The following CHD3 variants were observed in gnomAD, a reference collection of about 807,000 sequenced individuals.
CHD3 encodes ATP-dependent chromatin remodeler CHD3.
CHD3 carries 52 observed loss-of-function variants against 248.9 expected under a neutral mutation model. The ratio of observed to expected loss-of-function variants is 0.21; its 90% CI spans 0.17 to 0.26. CHD3 has a LOEUF of 0.26. Among genes scored for constraint, CHD3 ranks in the 10% least tolerant of loss-of-function variants. The pLI is 1.00. For missense variants in CHD3, 1,482 were observed against 2,605.8 expected (o/e 0.57, Z 9.39); for synonymous variants, 985 against 985.2 (o/e 1.00, Z 0.00).
chr17:7,909,265 GGCCGAGA>G lies in CHD3; in HGVS notation c.5521_5527del (p.Glu1841ThrfsTer23). 1 of 1,556,148 alleles carries G rather than the reference GGCCGAGA, an allele frequency of 6.4e-7. No individual in the cohort carries two copies. The highest frequency in any genetic ancestry group is 8.7e-7 in the Non-Finnish European group (1 of 1,151,386). ...CCCGCTTCGCCGAGGCCGAGTGCCT[GGCCGAGA>G]GCCACCAGCACCTCTCCAAGGAGTC... is the stretch of plus-strand genomic sequence containing the variant. On this transcript the variant is annotated frameshift_variant, in exon 37 of 40. Coordinates refer to ENST00000330494, the MANE Select transcript of CHD3 (RefSeq NM_001005273.3). LOFTEE classifies it high-confidence loss of function. This position sits in a 1 kb window ranked among gnomAD's most constrained non-coding sequence, Gnocchi z 8.1.
rs755406587 is a variant in CHD3, at chr17:7,908,838, G to A, written c.5394+9G>A. ...TGGCCCGGAGGTTCAAGGTGGGAAT[G>A]AGGGAGGAAAGGAGCGGGTTATAGA... On this transcript the variant is annotated intron_variant, in intron 36 of 39. Transcript: ENST00000330494. This position sits in a 1 kb window ranked among gnomAD's most constrained non-coding sequence, Gnocchi z 5.8. The A allele has an allele frequency of 3.1e-6, 5 of 1,614,134 alleles. No individual in the cohort carries two copies. In the Admixed American group the frequency reaches 5.0e-5, roughly 16 times the overall value.
chr17:7,904,381 G>C lies in CHD3; in HGVS notation c.3895-61G>C. The C allele has an allele frequency of 6.7e-7, 1 of 1,492,202 alleles. No homozygotes were observed. Among genetic ancestry groups the C allele is most frequent in the Non-Finnish European group, 9.2e-7 (1 of 1,083,510 alleles). The allele number at this position is 1,492,202 out of a possible 1,614,324, so 92.4% of individuals were successfully genotyped here. On this transcript the variant is annotated intron_variant, in intron 24 of 39. Coordinates refer to ENST00000330494, the MANE Select transcript of CHD3 (RefSeq NM_001005273.3). The surrounding 1 kb of genome is among the most constrained non-coding windows in gnomAD (Gnocchi z 4.4). ...GACGCAGCAGAGTAGGGATTTCCTT[G>C]CAGTGGAAGGATTAGCAAAGAAGGA...
chr17:7,889,252 C>T lies in CHD3; in HGVS notation c.100+152C>T. On this transcript the variant is annotated intron_variant, in intron 1 of 39. Coordinates refer to ENST00000330494, the MANE Select transcript of CHD3 (RefSeq NM_001005273.3). The surrounding 1 kb of genome is among the most constrained non-coding windows in gnomAD (Gnocchi z 4.5). ...AGCTGCCAGCTTGTGTCTCCCCACT[C>T]CAAGTGCTGGGGTCAGGCCAGGCCA... 1.0e-6 allele frequency: 1 copy of T among 988,410 alleles called. No individual in the cohort carries two copies. Among genetic ancestry groups the T allele is most frequent in the Non-Finnish European group, 1.5e-6 (1 of 674,900 alleles). 61.2% of individuals were successfully genotyped at this position (988,410 alleles called of 1,614,324 possible). A position where few individuals can be genotyped will look rare whatever the true frequency, so the allele number is the denominator to read the frequency against.
intron 20 of CHD3, 79 bp downstream of exon 20, chr17:7,901,454 C>A: frequency 8.1e-7 from 1 of 1,236,150 alleles, no homozygotes; most frequent in Non-Finnish European, 1.1e-6. Context: ...TTCTTACGGT[C>A]TTCCTGTGGC....
chr17:7,906,320 G>T lies in CHD3; in HGVS notation c.4359-233G>T. 1 of 676,138 alleles carries T rather than the reference G, an allele frequency of 1.5e-6. No homozygotes were observed. Among genetic ancestry groups the T allele is most frequent in the Non-Finnish European group, 2.6e-6 (1 of 377,924 alleles). 41.9% of individuals were successfully genotyped at this position (676,138 alleles called of 1,614,324 possible). A position where few individuals can be genotyped will look rare whatever the true frequency, so the allele number is the denominator to read the frequency against. ...GGAAAGGATGAAGAGCTGACTGATG[G>T]GGCCCAGGAATTAAGTACCAAGGCC... On this transcript the variant is annotated intron_variant, in intron 28 of 39. Transcript: ENST00000330494. This position sits in a 1 kb window ranked among gnomAD's most constrained non-coding sequence, Gnocchi z 5.0.
Position 7,899,844 on chromosome 17 carries a change from T to C in CHD3, c.2545-52T>C. On this transcript the variant is annotated intron_variant, in intron 15 of 39. Coordinates refer to ENST00000330494, the MANE Select transcript of CHD3 (RefSeq NM_001005273.3). The surrounding 1 kb of genome is among the most constrained non-coding windows in gnomAD (Gnocchi z 6.8). The stretch of plus-strand genomic sequence containing the variant: ...GACAAGGTGTCTGGTTCTGGAGGTG[T>C]AGGTGCATGGTTGTCAGGTGGCAGC... The C allele has an allele frequency of 6.3e-7, 1 of 1,595,442 alleles. No homozygotes were observed.
Position 7,900,141 on chromosome 17 carries a change from G to T in CHD3, c.2682+108G>T. 6.6e-7 allele frequency: 1 copy of T among 1,522,734 alleles called. No individual in the cohort carries two copies. The allele number at this position is 1,522,734 out of a possible 1,614,324, so 94.3% of individuals were successfully genotyped here. A position where few individuals can be genotyped will look rare whatever the true frequency, so the allele number is the denominator to read the frequency against. On this transcript the variant is annotated intron_variant, in intron 16 of 39. Transcript: ENST00000330494. The surrounding 1 kb of genome is among the most constrained non-coding windows in gnomAD (Gnocchi z 6.5). ...GGGATTTTCTGTAGTCTGGGAGGAC[G>T]TCCAGGTTGGAAGAGGGAGAGGGCC...
chr17:7,911,834 T>A lies in CHD3; in HGVS notation c.*249T>A. ...AGAAGAAGTCTGGGTGGGAGATGGC[T>A]GGCAGGGTCTTCCAAGTACCTTCCT... is the stretch of plus-strand genomic sequence containing the variant. On this transcript the variant is annotated 3_prime_UTR_variant, in exon 40 of 40. Coordinates refer to ENST00000330494, the MANE Select transcript of CHD3 (RefSeq NM_001005273.3). This position sits in a 1 kb window ranked among gnomAD's most constrained non-coding sequence, Gnocchi z 5.4. 8.6e-7 allele frequency: 1 copy of A among 1,156,610 alleles called. No individual in the cohort carries two copies. The highest frequency in any genetic ancestry group is 1.2e-6 in the Non-Finnish European group (1 of 851,974). 71.6% of individuals were successfully genotyped at this position (1,156,610 alleles called of 1,614,324 possible). A position where few individuals can be genotyped will look rare whatever the true frequency, so the allele number is the denominator to read the frequency against.
At chr17:7,887,598 G>A (rs2151435131), upstream of CHD3, among the ~76,000 whole-genome samples, 1 of 152,282 alleles carries the variant, frequency 6.6e-6, no homozygotes, top group South Asian at 2.1e-4. Context: ...GTGCGTTGTG[G>A]GGGAGGGAGG....
At position 7,903,159 on chromosome 17, in the gene CHD3, C is replaced by G; in HGVS notation, c.3495+98C>G. The G allele has an allele frequency of 6.4e-7, 1 of 1,572,934 alleles. No individual in the cohort carries two copies. The highest frequency in any genetic ancestry group is 2.3e-5 in the East Asian group (1 of 44,424). On this transcript the variant is annotated intron_variant, in intron 22 of 39. Transcript: ENST00000330494. This position sits in a 1 kb window ranked among gnomAD's most constrained non-coding sequence, Gnocchi z 6.8. ...TTCCGGGGTCAGAAATAAATCTCTT[C>G]TGGGAGGAGAGAAGGCCCTTCTTCA...
chr17:7,894,687 C>T (rs1245283248), intron 8 of CHD3, 79 bp downstream of exon 8: 3 of 1,480,710 alleles, frequency 2.0e-6, no homozygotes, highest in South Asian at 2.5e-5. Context: ...TTACCCTCTT[C>T]CTGCCCCCAG....
At chr17:7,896,979 C>T (rs902054290) in intron 10 of CHD3, 104 bp from the exon 11 acceptor site, 74 of 920,776 alleles carry the variant, frequency 8.0e-5, no homozygotes, top group Non-Finnish European at 1.2e-4. Context: ...TTTTTCATAG[C>T]TCCCTTTCCC....
upstream of CHD3, chr17:7,884,906 G>A (rs1474319294): frequency 1.4e-6 from 2 of 1,413,724 alleles, no homozygotes; most frequent in Non-Finnish European, 1.9e-6. Context: ...GGAGGAGGAG[G>A]AGGAGGTGGA....
chr17:7,900,975 T>G lies in CHD3; in HGVS notation c.3102T>G (p.Leu1034=), dbSNP rs959190099. ...AGAAGTGCTGCAACCATCCATACCT[T>G]TTTCCCGTGGCTGCTATGGTAGATA... ...DLKKCCNHPY[L]FPVAAMESPK... is the part of the protein sequence containing the mutation. The change falls in exon 19 of 40, where the codon CTT becomes CTG. Residue 1034 remains leucine, a synonymous_variant. Transcript: ENST00000330494. This position sits in a 1 kb window ranked among gnomAD's most constrained non-coding sequence, Gnocchi z 6.5. 4.3e-6 allele frequency: 7 copies of G among 1,613,888 alleles called. No individual in the cohort carries two copies. Among genetic ancestry groups the G allele is most frequent in the Non-Finnish European group, 5.9e-6 (7 of 1,179,992 alleles).
At position 7,907,018 on chromosome 17, in the gene CHD3, C is replaced by T. The variant is rs754100868; in HGVS notation, c.4653C>T (p.Cys1551=). Residue 1551 remains cysteine (C), a synonymous_variant, in exon 30 of 40, where the codon TGC becomes TGT. Coordinates refer to ENST00000330494, the MANE Select transcript of CHD3 (RefSeq NM_001005273.3). The surrounding 1 kb of genome is among the most constrained non-coding windows in gnomAD (Gnocchi z 4.3). The part of the protein sequence containing the change: ...TPEASATNSP[C]TSKPATPAPS... ...AGGCTTCTGCTACCAACAGTCCCTG[C>T]ACCTCTAAACCTGGTAATCAGAAGT... The T allele has an allele frequency of 1.2e-6, 2 of 1,614,194 alleles. No individual in the cohort carries two copies. The highest frequency in any genetic ancestry group is 8.5e-7 in the Non-Finnish European group (1 of 1,180,030).
At chr17:7,893,664 C>G in intron 5 of CHD3, 95 bp downstream of exon 5, 1 of 1,527,976 alleles carries the variant, frequency 6.5e-7, no homozygotes, top group Non-Finnish European at 8.8e-7. Flanking sequence ...GCCCTGATTG[C>G]TGGAGGAGAG....
In CHD3 at chr17:7,910,910, G is replaced by C. The variant is rs776712947; in HGVS notation, c.5818G>C (p.Val1940Leu). Residue 1940 changes from valine to leucine, a missense_variant, in exon 39 of 40, where the codon GTA becomes CTA. Around this residue, in one of 20 missense-constraint regions of CHD3, gnomAD observed 117 missense variants for 137.2 expected, o/e 0.85. Transcript: ENST00000330494. The surrounding 1 kb of genome is among the most constrained non-coding windows in gnomAD (Gnocchi z 4.7). The part of the protein sequence containing the change: ...GYGAAFSAAP[V>L]GALAAAGANY... Reference sequence around the variant, plus strand: ...CGGGGCGGCCTTCAGCGCCGCACCCGTAGGGGCCCTGGCCGCCGCAGGCGC... The same window carrying C: ...CGGGGCGGCCTTCAGCGCCGCACCCCTAGGGGCCCTGGCCGCCGCAGGCGC... 1.9e-6 allele frequency: 3 copies of C among 1,613,648 alleles called. No homozygotes were observed. Among genetic ancestry groups the C allele is most frequent in the South Asian group, 1.1e-5 (1 of 91,056 alleles).
At position 7,908,680 on chromosome 17, in the gene CHD3, T is replaced by C. The variant is rs4239111; in HGVS notation, c.5262-17T>C. ...TCCTGTTAAATTCCTTGATGGTTCC[T>C]TTTCCTTCATTGGTAGCCATGGCTA... is the stretch of plus-strand genomic sequence containing the variant. On this transcript the variant is annotated splice_polypyrimidine_tract_variant and intron_variant, in intron 35 of 39. Coordinates refer to ENST00000330494, the MANE Select transcript of CHD3 (RefSeq NM_001005273.3). The surrounding 1 kb of genome is among the most constrained non-coding windows in gnomAD (Gnocchi z 5.8). The C allele has an allele frequency of 0.86, 1,381,469 of 1,613,434 alleles. 593,690 individuals carry two copies. The highest frequency in any genetic ancestry group is 1 in the East Asian group (44,867 of 44,882).
upstream of CHD3, among the ~76,000 whole-genome samples, chr17:7,885,454 A>C: frequency 1.6e-5 from 2 of 127,880 alleles, no homozygotes; most frequent in Non-Finnish European, 1.7e-5. Flanking sequence ...CTCGGCGGGG[A>C]GGGGGTAGGC....
Sources: allele counts gnomAD v4.1 joint callset (sites outside exome capture counted in the v4.1 genomes callset), GRCh38; gene constraint gnomAD v4.1.1; regional missense constraint gnomAD v4.1.1; non-coding constraint Gnocchi (gnomAD v3.1); transcripts MANE v1.5; gene names NCBI Gene and HGNC (gene_info 2026-07-23, HGNC 2026-07-21).